The following TMEM132D variants were observed in gnomAD, a reference collection of about 807,000 sequenced individuals.
TMEM132D encodes transmembrane protein 132D.
A neutral mutation model predicts 62.3 loss-of-function variants in TMEM132D; 21 were observed. The ratio of observed to expected loss-of-function variants is 0.34; its 90% CI spans 0.24 to 0.49. The LOEUF (loss-of-function observed/expected upper bound fraction) is 0.49, where lower values mean the gene tolerates loss of function less well. Among genes scored for constraint, TMEM132D ranks in the 20% least tolerant of loss-of-function variants. The probability of loss-of-function intolerance (pLI) is 0.99; values close to 1 mark genes in which losing one functional copy is unlikely to be tolerated. For synonymous variants in TMEM132D, 621 were observed against 575.6 expected, an observed-to-expected ratio of 1.08 and a Z score of -1.13; for missense variants, 1,346 against 1,402.8, an observed-to-expected ratio of 0.96 and a Z score of 0.65.
At chr12:129,454,215 CA>C (rs1287954629) in intron 3 of TMEM132D, among the ~76,000 whole-genome samples, 1 of 152,096 alleles carries the variant, frequency 6.6e-6, no homozygotes, top group Non-Finnish European at 1.5e-5. Context: ...CAGGTCCAAG[CA>C]TTGCTATTGA....
chr12:129,148,903 C>T (rs962829249), intron 5 of TMEM132D, among the ~76,000 whole-genome samples: 2 of 151,976 alleles, frequency 1.3e-5, no homozygotes, highest in Non-Finnish European at 2.9e-5. Context: ...AGGCATCTGC[C>T]TAAACAGCCC....
At chr12:129,612,373 T>C (rs547128761) in intron 2 of TMEM132D, among the ~76,000 whole-genome samples, 1 of 152,302 alleles carries the variant, frequency 6.6e-6, no homozygotes, top group East Asian at 1.9e-4. Flanking sequence ...CCAAGTTGCA[T>C]AAATTCTGCA....
chr12:129,669,126 T>G (rs1282842720), intron 2 of TMEM132D, among the ~76,000 whole-genome samples: 1 of 152,222 alleles, frequency 6.6e-6, no homozygotes, highest in Non-Finnish European at 1.5e-5. Flanking sequence ...AAAGCCAATT[T>G]AAAAAGCCTA....
At chr12:129,564,091 C>T (rs1425197642) in intron 2 of TMEM132D, among the ~76,000 whole-genome samples, 2 of 152,110 alleles carry the variant, frequency 1.3e-5, no homozygotes, top group Non-Finnish European at 2.9e-5. Flanking sequence ...CCCAAAGTAT[C>T]AGGCACATGG....
chr12:129,477,304 C>A (rs1264979388), intron 3 of TMEM132D, among the ~76,000 whole-genome samples: 1 of 152,122 alleles, frequency 6.6e-6, no homozygotes, highest in Non-Finnish European at 1.5e-5. Flanking sequence ...TCCTTTAAGA[C>A]CCCCCTCCTC....
At chr12:129,889,479 G>A (rs1000879630) in intron 1 of TMEM132D, among the ~76,000 whole-genome samples, 8 of 152,142 alleles carry the variant, frequency 5.3e-5, no homozygotes, top group South Asian at 2.1e-4. Flanking sequence ...CTGAGACACC[G>A]GCATTACCTG....
intron 5 of TMEM132D, among the ~76,000 whole-genome samples, chr12:129,145,009 T>C (rs1007053646): frequency 1.3e-5 from 2 of 152,104 alleles, no homozygotes; most frequent in African/African-American, 4.8e-5. Flanking sequence ...TGTGTATATA[T>C]ACACACACAT....
chr12:129,454,581 C>T lies in TMEM132D; in HGVS notation c.1115+76478G>A, dbSNP rs547274727. Among the ~76,000 whole-genome samples the T allele has an allele frequency of 1.4e-4, 21 of 152,318 alleles. No individual in the cohort carries two copies. The East Asian group carries it at 3.5e-3, about 25-fold the overall frequency. ...GGCAAGTGGACAATATTTTTAACAACATGCAAAACCAAATGGCCCTTGAGT... is the reference window on the plus strand; with the variant it reads ...GGCAAGTGGACAATATTTTTAACAATATGCAAAACCAAATGGCCCTTGAGT... On this transcript the variant is annotated intron_variant, in intron 3 of 8. Coordinates refer to ENST00000422113, the MANE Select transcript of TMEM132D (RefSeq NM_133448.3).
chr12:129,528,538 C>T (rs1876124085), intron 3 of TMEM132D, among the ~76,000 whole-genome samples: 1 of 152,038 alleles, frequency 6.6e-6, no homozygotes, highest in African/African-American at 2.4e-5. Context: ...GTAGAAATCG[C>T]AGTTGCCAGT....
intron 1 of TMEM132D, among the ~76,000 whole-genome samples, chr12:129,847,786 C>T (rs1198909008): frequency 2.0e-5 from 3 of 151,660 alleles, no homozygotes; most frequent in African/African-American, 7.3e-5. Context: ...GAACACTTGC[C>T]CTGGAAAAAA....
chr12:129,449,002 A>G (rs938514229), intron 3 of TMEM132D, among the ~76,000 whole-genome samples: 11 of 152,212 alleles, frequency 7.2e-5, no homozygotes, highest in African/African-American at 2.7e-4. Flanking sequence ...CCACCCAGGC[A>G]TCAGTAGTGA....
chr12:129,753,801 C>G (rs181527102), intron 1 of TMEM132D, among the ~76,000 whole-genome samples: 2 of 152,304 alleles, frequency 1.3e-5, no homozygotes. Flanking sequence ...TGCAGGGCAC[C>G]CTGCTAACCG....
chr12:129,435,263 C>G (rs925186013), intron 3 of TMEM132D, among the ~76,000 whole-genome samples: 2 of 152,176 alleles, frequency 1.3e-5, no homozygotes, highest in African/African-American at 4.8e-5. Flanking sequence ...ATTGTGAATA[C>G]TGCTGCAATA....
chr12:129,469,067 T>C (rs1874011812), intron 3 of TMEM132D, among the ~76,000 whole-genome samples: 1 of 152,108 alleles, frequency 6.6e-6, no homozygotes, highest in Non-Finnish European at 1.5e-5. Flanking sequence ...TTTTTCTCTT[T>C]TCAACTTAAT....
At chr12:129,092,312 T>C (rs1428515952) in intron 5 of TMEM132D, among the ~76,000 whole-genome samples, 1 of 151,678 alleles carries the variant, frequency 6.6e-6, no homozygotes, top group Non-Finnish European at 1.5e-5. Flanking sequence ...CCTTTTTTTT[T>C]TTTTTTTGTT....
intron 2 of TMEM132D, among the ~76,000 whole-genome samples, chr12:129,563,963 C>T (rs1467691479): frequency 6.6e-6 from 1 of 152,166 alleles, no homozygotes; most frequent in South Asian, 2.1e-4. Flanking sequence ...AAGACAGAAT[C>T]AAACTCCTGG....
intron 3 of TMEM132D, among the ~76,000 whole-genome samples, chr12:129,440,946 G>A (rs567778403): frequency 8.5e-5 from 13 of 152,262 alleles, no homozygotes; most frequent in African/African-American, 7.2e-5. Flanking sequence ...TTTTTAGATC[G>A]GATTTGCATC....
In TMEM132D at chr12:129,073,914, C is replaced by T. The variant is rs2135601297; in HGVS notation, c.3261G>A (p.Glu1087=). Reference sequence around the variant, plus strand: ...GTAACCTCTCCATGTAGTTGTGCAGCTCTTTGCAGTCCCCAGGGTCCAGAT... The same window carrying T: ...GTAACCTCTCCATGTAGTTGTGCAGTTCTTTGCAGTCCCCAGGGTCCAGAT... ...CQDLDPGDCK[E]LHNYMERLHE... Residue 1087 remains glutamate (E), a synonymous_variant, in exon 9 of 9, where the codon GAG becomes GAA. Coordinates refer to ENST00000422113, the MANE Select transcript of TMEM132D (RefSeq NM_133448.3). 4.4e-6 allele frequency: 7 copies of T among 1,574,550 alleles called. No homozygotes were observed. The highest frequency in any genetic ancestry group is 6.0e-6 in the Non-Finnish European group (7 of 1,161,992).
At position 129,894,496 on chromosome 12, in the gene TMEM132D, C is replaced by T. The variant is rs1224965053; in HGVS notation, c.79+8765G>A. Among the ~76,000 whole-genome samples the T allele has an allele frequency of 3.3e-5, 5 of 152,244 alleles. 1 individual carries two copies. Among genetic ancestry groups the T allele is most frequent in the African/African-American group, 1.2e-4 (5 of 41,542 alleles). ...GGTTCTGGTGGGATCCTTAAAGACCCCGGGTCAGCCTCATCTAAAATCAGC... is the reference window on the plus strand; with the variant it reads ...GGTTCTGGTGGGATCCTTAAAGACCTCGGGTCAGCCTCATCTAAAATCAGC... On this transcript the variant is annotated intron_variant, in intron 1 of 8. Coordinates refer to ENST00000422113, the MANE Select transcript of TMEM132D (RefSeq NM_133448.3).
Sources: allele counts gnomAD v4.1 joint callset (sites outside exome capture counted in the v4.1 genomes callset), GRCh38; gene constraint gnomAD v4.1.1; transcripts MANE v1.5; gene names NCBI Gene and HGNC (gene_info 2026-07-23, HGNC 2026-07-21).